Variants in CCDC6 observed in about 807,000 individuals in gnomAD.
CCDC6 encodes coiled-coil domain containing 6, also known as coiled-coil domain-containing protein 6.
In CCDC6, 20 loss-of-function variants were observed where a neutral mutation model predicts 56.6. The ratio of observed to expected loss-of-function variants is 0.35; its 90% confidence interval spans 0.25 to 0.51. The LOEUF (loss-of-function observed/expected upper bound fraction) is 0.51. CCDC6 is among the 20% of genes least tolerant of loss of function. The pLI, the probability that CCDC6 is intolerant of heterozygous loss-of-function variation, is 0.95. For synonymous variants in CCDC6, 241 were observed against 234.4 expected, an observed-to-expected ratio of 1.03 and a Z score of -0.26; for missense variants, 367 against 601.1, an observed-to-expected ratio of 0.61 and a Z score of 4.07.
At chr10:59,902,912 A>C (rs2071515053) in intron 1 of CCDC6, among the ~76,000 whole-genome samples, 1 of 152,250 alleles carries the variant, frequency 6.6e-6, no homozygotes, top group African/African-American at 2.4e-5. Context: ...AATTGCCAAA[A>C]GGTGGAAACA....
chr10:59,821,790 CA>C (rs140568954), intron 3 of CCDC6, among the ~76,000 whole-genome samples: 1 of 151,360 alleles, frequency 6.6e-6, no homozygotes, highest in Admixed American at 6.6e-5. Flanking sequence ...GAGAAATACG[CA>C]AAAAAAATCA....
At chr10:59,882,406 GGGGGAGAAGGAAAGGAAAGCCA>G (rs2071347452) in intron 1 of CCDC6, among the ~76,000 whole-genome samples, 3 of 956 alleles carry the variant, frequency 3.1e-3, no homozygotes, top group Non-Finnish European at 5.9e-3. Flanking sequence ...AGGAAAGCCA[GGGGGAGAAGGAAAGGAAAGCCA>G]GGGGGAGAAG....
chr10:59,866,245 T>C (rs1589054628), intron 1 of CCDC6, among the ~76,000 whole-genome samples: 1 of 152,224 alleles, frequency 6.6e-6, no homozygotes, highest in Non-Finnish European at 1.5e-5. Context: ...CATTAATCCA[T>C]ACATTTAGCA....
At chr10:59,837,714 C>G (rs12269275) in intron 2 of CCDC6, among the ~76,000 whole-genome samples, 1 of 135,674 alleles carries the variant, frequency 7.4e-6, no homozygotes, top group Non-Finnish European at 1.5e-5. Flanking sequence ...CCACTGCACT[C>G]TAGCCTGGGC....
Position 59,833,646 on chromosome 10 carries a change from G to C in CCDC6, c.454-993C>G, listed in dbSNP as rs942935848. Among the ~76,000 whole-genome samples the C allele has an allele frequency of 4.8e-4, 70 of 144,586 alleles. 3 individuals carry two copies. Among genetic ancestry groups the C allele is most frequent in the African/African-American group, 1.5e-3 (60 of 40,022 alleles). The allele number at this position is 144,586 out of a possible 152,430, so 94.9% of individuals were successfully genotyped here. On this transcript the variant is annotated intron_variant, in intron 2 of 8. Transcript: ENST00000263102. ...TTTTTATAACACTCTCAACTGGGGG[G>C]GGGGGGGGTTTGTTGATCCACAGCA...
At chr10:59,837,705 C>A (rs569746195) in intron 2 of CCDC6, among the ~76,000 whole-genome samples, 30 of 136,848 alleles carry the variant, frequency 2.2e-4, no homozygotes, top group South Asian at 7.3e-4. Flanking sequence ...GAGATCGCAC[C>A]ACTGCACTCT....
chr10:59,862,932 T>C (rs2071147036), intron 1 of CCDC6, among the ~76,000 whole-genome samples: 1 of 152,182 alleles, frequency 6.6e-6, no homozygotes, highest in African/African-American at 2.4e-5. Context: ...AGTTGTAACA[T>C]ATTCATTGTG....
Position 59,806,961 on chromosome 10 carries a change from A to T in CCDC6, c.965T>A (p.Leu322His), listed in dbSNP as rs1206843637. 4 of 1,613,920 alleles carry T rather than the reference A, an allele frequency of 2.5e-6. No individual in the cohort carries two copies. The highest frequency in any genetic ancestry group is 3.4e-6 in the Non-Finnish European group (4 of 1,179,966). Residue 322 changes from leucine to histidine, a missense_variant, in exon 6 of 9, where the codon CTC becomes CAC. Physicochemically the swap from Leu to His is moderately conservative, Grantham distance 99. This residue lies in a region of CCDC6 where 81 missense variants were observed against 150.8 expected (regional missense o/e 0.54). Transcript: ENST00000263102. Reference sequence around the variant, plus strand: ...TTCTAAGCTGGACTCACTCTCGGAGAGCTGTCGACAGAGGGCTTCTCTTCT... The same window carrying T: ...TTCTAAGCTGGACTCACTCTCGGAGTGCTGTCGACAGAGGGCTTCTCTTCT... ...MERREALCRQ[L>H]SESESSLEMD...
intron 1 of CCDC6, among the ~76,000 whole-genome samples, chr10:59,904,350 C>T (rs1564761926): frequency 6.6e-6 from 1 of 152,214 alleles, no homozygotes; most frequent in Non-Finnish European, 1.5e-5. Flanking sequence ...ATAATACGGT[C>T]TAAGTGTCAA....
intron 6 of CCDC6, chr10:59,804,893 A>G (rs1253986487): frequency 1.1e-5 from 2 of 184,934 alleles, no homozygotes; most frequent in African/African-American, 4.7e-5. Flanking sequence ...TGACATTTAA[A>G]TTGTTATTTG....
intron 7 of CCDC6, among the ~76,000 whole-genome samples, chr10:59,804,066 G>A (rs2070598849): frequency 1.3e-5 from 2 of 152,062 alleles, no homozygotes; most frequent in Admixed American, 1.3e-4. Flanking sequence ...ACCCATAAAA[G>A]GTGTGCTATG....
At chr10:59,827,613 C>T (rs1309049274) in intron 3 of CCDC6, among the ~76,000 whole-genome samples, 3 of 152,174 alleles carry the variant, frequency 2.0e-5, no homozygotes, top group African/African-American at 7.2e-5. Flanking sequence ...TTTCCCTAAA[C>T]TACACGGGCT....
chr10:59,816,188 A>G (rs1227244835), intron 3 of CCDC6, among the ~76,000 whole-genome samples: 3 of 152,218 alleles, frequency 2.0e-5, no homozygotes, highest in Admixed American at 2.0e-4. Context: ...GCATAAAATC[A>G]GCTGCCTCAG....
rs2070448813 is a variant in CCDC6, at chr10:59,789,438, A to C, written c.*3479T>G. 4.3e-6 allele frequency: 1 copy of C among 231,596 alleles called. No homozygotes were observed. Among genetic ancestry groups the C allele is most frequent in the Admixed American group, 5.7e-5 (1 of 17,696 alleles). The allele number at this position is 231,596 out of a possible 1,614,324, so 14.3% of individuals were successfully genotyped here. On this transcript the variant is annotated 3_prime_UTR_variant, in exon 9 of 9. Transcript: ENST00000263102. ...GCTGTGTGTATGTTTTAATCAAAAA[A>C]TTAAAGAAGAAAAAAAAACCCTAAA...
In CCDC6 at chr10:59,789,240, T is replaced by G. The variant is rs1393486004; in HGVS notation, c.*3677A>C. On this transcript the variant is annotated 3_prime_UTR_variant, in exon 9 of 9. Coordinates refer to ENST00000263102, the MANE Select transcript of CCDC6 (RefSeq NM_005436.5). ...CAGACTAAGTCAAGAACTAAAGTTGTGCAGTAACCCGAGTTAAGGCATGAA... is the reference window on the plus strand; with the variant it reads ...CAGACTAAGTCAAGAACTAAAGTTGGGCAGTAACCCGAGTTAAGGCATGAA... 1 of 231,446 alleles carries G rather than the reference T, an allele frequency of 4.3e-6. No homozygotes were observed. Among genetic ancestry groups the G allele is most frequent in the Non-Finnish European group, 8.6e-6 (1 of 116,814 alleles). The allele number at this position is 231,446 out of a possible 1,614,324, so 14.3% of individuals were successfully genotyped here.
At chr10:59,886,887 T>C (rs1367968519) in intron 1 of CCDC6, among the ~76,000 whole-genome samples, 1 of 152,202 alleles carries the variant, frequency 6.6e-6, no homozygotes, top group Non-Finnish European at 1.5e-5. Context: ...CAAGAAATGA[T>C]GCTTATCCAC....
chr10:59,863,332 A>G (rs1455225382), intron 1 of CCDC6, among the ~76,000 whole-genome samples: 1 of 152,260 alleles, frequency 6.6e-6, no homozygotes, highest in Non-Finnish European at 1.5e-5. Context: ...AAAATATTAC[A>G]TAATGAAAAT....
chr10:59,847,841 T>TA (rs1554885088), intron 2 of CCDC6, among the ~76,000 whole-genome samples: 3,497 of 146,130 alleles, frequency 0.024, 84 homozygotes, highest in African/African-American at 0.037. Context: ...TTTTTTTTTT[T>TA]ACCCCTAATG....
chr10:59,902,691 C>T (rs549846600), intron 1 of CCDC6, among the ~76,000 whole-genome samples: 5 of 152,260 alleles, frequency 3.3e-5, no homozygotes, highest in African/African-American at 4.8e-5. Flanking sequence ...TGAGCCACCG[C>T]GCCCGGCCCC....
Sources: allele counts gnomAD v4.1 joint callset (sites outside exome capture counted in the v4.1 genomes callset), GRCh38; gene constraint gnomAD v4.1.1; regional missense constraint gnomAD v4.1.1; transcripts MANE v1.5; gene names NCBI Gene and HGNC (gene_info 2026-07-23, HGNC 2026-07-21).